Variants in NXPH1 observed in about 807,000 individuals in gnomAD.
The protein encoded by NXPH1 is neurexophilin 1.
Under a neutral mutation model 23.7 loss-of-function variants are expected in NXPH1, and 5 were observed. That is an observed-to-expected ratio of 0.21 (90% CI 0.11 to 0.44). NXPH1 has a LOEUF of 0.44. Ranked by LOEUF, NXPH1 falls within the 20% of genes least tolerant of loss-of-function variation. NXPH1 has a pLI of 0.99. For missense variants in NXPH1, 324 were observed against 321.6 expected (o/e 1.01, Z -0.06); for synonymous variants, 144 against 122.2 (o/e 1.18, Z -1.18).
intron 2 of NXPH1, among the ~76,000 whole-genome samples, chr7:8,581,696 AAC>A (rs1229082456): frequency 1.3e-5 from 2 of 152,188 alleles, no homozygotes; most frequent in African/African-American, 4.8e-5. Context: ...ACACATATGA[AAC>A]AGAGCTTTTA....
intron 2 of NXPH1, among the ~76,000 whole-genome samples, chr7:8,509,410 C>G (rs1030149644): frequency 2.0e-5 from 3 of 152,042 alleles, no homozygotes; most frequent in African/African-American, 7.2e-5. Context: ...TAACTTGTGC[C>G]CTGTCATAGA....
In NXPH1 at chr7:8,435,403, TCCGC is replaced by T; in HGVS notation, c.-110-191_-110-188del. The stretch of plus-strand genomic sequence containing the variant: ...AAGGAGCCCCTCACCCTCCCTCTCG[TCCGC>T]CCGCCCGCCTCCCCAGCTGCGGACC... On this transcript the variant is annotated intron_variant, in intron 1 of 2. Coordinates refer to ENST00000405863, the MANE Select transcript of NXPH1 (RefSeq NM_152745.3). This position sits in a 1 kb window ranked among gnomAD's most constrained non-coding sequence, Gnocchi z 5.9. 3 of 469,430 alleles carry T rather than the reference TCCGC, an allele frequency of 6.4e-6. No individual in the cohort carries two copies. Among genetic ancestry groups the T allele is most frequent in the South Asian group, 2.3e-5 (1 of 43,258 alleles). The allele number at this position is 469,430 out of a possible 1,614,324, so 29.1% of individuals were successfully genotyped here.
chr7:8,657,006 G>A (rs999666780), intron 2 of NXPH1, among the ~76,000 whole-genome samples: 1 of 152,096 alleles, frequency 6.6e-6, no homozygotes, highest in Admixed American at 6.5e-5. Flanking sequence ...AGTAAGATTC[G>A]AGTTTCCACA....
At chr7:8,509,691 C>G (rs115755832) in intron 2 of NXPH1, among the ~76,000 whole-genome samples, 182 of 152,108 alleles carry the variant, frequency 1.2e-3, no homozygotes, top group African/African-American at 4.0e-3. Flanking sequence ...GAAAGTCAGG[C>G]GTGACATGTC....
chr7:8,442,245 G>T lies in NXPH1; in HGVS notation c.54+6478G>T, dbSNP rs1284255492. ...AGAGCGCATCGCCTCATCTGCATGAGAATGGAGAACCGGGAGGCTTTTCTT... is the reference window on the plus strand; with the variant it reads ...AGAGCGCATCGCCTCATCTGCATGATAATGGAGAACCGGGAGGCTTTTCTT... On this transcript the variant is annotated intron_variant, in intron 2 of 2. Coordinates refer to ENST00000405863, the MANE Select transcript of NXPH1 (RefSeq NM_152745.3). This position sits in a 1 kb window ranked among gnomAD's most constrained non-coding sequence, Gnocchi z 4.6. Among the ~76,000 whole-genome samples the T allele has an allele frequency of 2.0e-5, 3 of 152,244 alleles. No homozygotes were observed. Among genetic ancestry groups the T allele is most frequent in the Non-Finnish European group, 4.4e-5 (3 of 68,046 alleles).
chr7:8,447,680 G>T (rs1237473230), intron 2 of NXPH1, among the ~76,000 whole-genome samples: 3 of 152,238 alleles, frequency 2.0e-5, no homozygotes, highest in Non-Finnish European at 2.9e-5. Flanking sequence ...AGCATGAAAA[G>T]TGAATGATTT....
chr7:8,573,021 C>T (rs1404262086), intron 2 of NXPH1, among the ~76,000 whole-genome samples: 2 of 151,336 alleles, frequency 1.3e-5, no homozygotes, highest in Non-Finnish European at 2.9e-5. Context: ...AAAACAATTA[C>T]CCTGAATCTC....
chr7:8,524,440 G>A (rs562771046), intron 2 of NXPH1, among the ~76,000 whole-genome samples: 1 of 151,990 alleles, frequency 6.6e-6, no homozygotes, highest in African/African-American at 2.4e-5. Context: ...CTGCTTCAGA[G>A]GTTCAGCTGT....
At chr7:8,530,272 C>T (rs555112912) in intron 2 of NXPH1, among the ~76,000 whole-genome samples, 7 of 152,206 alleles carry the variant, frequency 4.6e-5, no homozygotes, top group East Asian at 1.9e-4. Context: ...GTAGCAAATG[C>T]CTCAAATATT....
chr7:8,474,818 A>G (rs6966794), intron 2 of NXPH1, among the ~76,000 whole-genome samples: 90,314 of 151,906 alleles, frequency 0.59, 29,478 homozygotes, highest in African/African-American at 0.87. Context: ...CTAGTACATT[A>G]TCCACTTCCC....
intron 2 of NXPH1, among the ~76,000 whole-genome samples, chr7:8,656,341 C>T (rs963069362): frequency 6.6e-6 from 1 of 151,802 alleles, no homozygotes; most frequent in Non-Finnish European, 1.5e-5. Flanking sequence ...AAAATTAAAC[C>T]CTTAATATAT....
In NXPH1 at chr7:8,588,804, G is replaced by A. The variant is rs533312083; in HGVS notation, c.54+153037G>A. 2.0e-5 allele frequency among the ~76,000 whole-genome samples: 3 copies of A among 152,156 alleles called. No individual in the cohort carries two copies. The South Asian group carries it at 6.2e-4, about 32-fold the overall frequency. On this transcript the variant is annotated intron_variant, in intron 2 of 2. Transcript: ENST00000405863. ...CAGATATATACATAAAACTACACTT[G>A]GGTTGACATGGACAGGGTGCTTAAA...
chr7:8,751,231 A>G lies in NXPH1; in HGVS notation c.278A>G (p.Asn93Ser). The G allele has an allele frequency of 6.2e-7, 1 of 1,613,804 alleles. No individual in the cohort carries two copies. The highest frequency in any genetic ancestry group is 8.5e-7 in the Non-Finnish European group (1 of 1,179,808). Residue 93 changes from asparagine to serine, a missense_variant, in exon 3 of 3, where the codon AAC (asparagine) becomes AGC (serine). Physicochemically the swap from Asn to Ser is conservative, Grantham distance 46. Coordinates refer to ENST00000405863, the MANE Select transcript of NXPH1 (RefSeq NM_152745.3). This position sits in a 1 kb window ranked among gnomAD's most constrained non-coding sequence, Gnocchi z 4.5. ...SEQDLWDWLR[N>S]STDLQEPRPR... ...CAAGACCTCTGGGACTGGCTGAGGAACTCCACAGACCTTCAAGAGCCTCGG... is the reference window on the plus strand; with the variant it reads ...CAAGACCTCTGGGACTGGCTGAGGAGCTCCACAGACCTTCAAGAGCCTCGG...
chr7:8,521,628 G>T (rs1817772983), intron 2 of NXPH1, among the ~76,000 whole-genome samples: 1 of 152,178 alleles, frequency 6.6e-6, no homozygotes, highest in Admixed American at 6.5e-5. Flanking sequence ...GACTTTATGT[G>T]AGTGAGAAAT....
At chr7:8,671,612 G>C (rs1820870321) in intron 2 of NXPH1, among the ~76,000 whole-genome samples, 1 of 151,938 alleles carries the variant, frequency 6.6e-6, no homozygotes, top group African/African-American at 2.4e-5. Context: ...GTTCTGTGAT[G>C]GTTTTTGAGG....
At chr7:8,620,103 C>T (rs1054046086) in intron 2 of NXPH1, among the ~76,000 whole-genome samples, 2 of 152,146 alleles carry the variant, frequency 1.3e-5, no homozygotes, top group African/African-American at 4.8e-5. Context: ...CACAAGGATC[C>T]TTCTCACCTC....
chr7:8,597,380 G>A (rs80101486), intron 2 of NXPH1, among the ~76,000 whole-genome samples: 10,020 of 152,106 alleles, frequency 0.066, 391 homozygotes, highest in East Asian at 0.13. Context: ...CAAAGATAAT[G>A]GGGGTGGGCA....
chr7:8,473,726 A>G (rs143639346), intron 2 of NXPH1, among the ~76,000 whole-genome samples: 243 of 148,600 alleles, frequency 1.6e-3, no homozygotes, highest in African/African-American at 5.7e-3. Flanking sequence ...AGACATCAGA[A>G]TGCTGTGTGT....
chr7:8,734,983 A>G (rs1403263015), intron 2 of NXPH1, among the ~76,000 whole-genome samples: 1 of 152,176 alleles, frequency 6.6e-6, no homozygotes, highest in East Asian at 1.9e-4. Context: ...ATTTTTGCAC[A>G]TTGATTTTGT....
Sources: gnomAD v4.1 joint callset for allele counts (sites outside exome capture counted in the v4.1 genomes callset) on GRCh38, gnomAD v4.1.1 for gene constraint, Gnocchi (gnomAD v3.1) non-coding constraint, MANE v1.5 for transcripts, NCBI Gene and HGNC (gene_info 2026-07-23, HGNC 2026-07-21) for gene names.